Variants in PHKB observed in about 807,000 individuals in gnomAD.
PHKB encodes the protein phosphorylase kinase regulatory subunit beta, also known as phosphorylase b kinase regulatory subunit beta.
Under a neutral mutation model 152.1 loss-of-function variants are expected in PHKB, and 122 were observed. The ratio of observed to expected loss-of-function variants is 0.80; its 90% CI spans 0.69 to 0.93. PHKB has a LOEUF of 0.93. PHKB is among the 40% of genes least tolerant of loss of function. The probability of loss-of-function intolerance (pLI) is 0.00; values close to 1 mark genes in which losing one functional copy is unlikely to be tolerated. For synonymous variants in PHKB, 436 were observed against 464.9 expected, an observed-to-expected ratio of 0.94 and a Z score of 0.80; for missense variants, 1,304 against 1,328.4, an observed-to-expected ratio of 0.98 and a Z score of 0.29.
At chr16:47,483,886 A>G (rs1970007605) in intron 1 of PHKB, among the ~76,000 whole-genome samples, 1 of 152,210 alleles carries the variant, frequency 6.6e-6, no homozygotes, top group South Asian at 2.1e-4. Flanking sequence ...AGCACTCACT[A>G]TGTGCCAGGC....
Position 47,623,756 on chromosome 16 carries a change from C to A in PHKB, c.1458+12836C>A, listed in dbSNP as rs1015479140. On this transcript the variant is annotated intron_variant, in intron 14 of 30. Transcript: ENST00000323584. ...TATTTTTAATAGAGATGGAGTTTCA[C>A]CAGGTTGACCAGGTTGGTCTCGAAC... is the stretch of plus-strand genomic sequence containing the variant. 1.3e-5 allele frequency among the ~76,000 whole-genome samples: 2 copies of A among 151,940 alleles called. 1 individual carries two copies. Among genetic ancestry groups the A allele is most frequent in the Non-Finnish European group, 2.9e-5 (2 of 68,000 alleles).
chr16:47,655,428 G>T (rs371929275), intron 20 of PHKB, among the ~76,000 whole-genome samples: 7 of 152,288 alleles, frequency 4.6e-5, no homozygotes, highest in African/African-American at 1.4e-4. Flanking sequence ...TCTTAGTTTT[G>T]TGATGACTTT....
At chr16:47,486,298 C>T (rs1354455359) in intron 1 of PHKB, among the ~76,000 whole-genome samples, 1 of 152,042 alleles carries the variant, frequency 6.6e-6, no homozygotes, top group African/African-American at 2.4e-5. Flanking sequence ...TCCTATGTGC[C>T]AGCATTAGAG....
chr16:47,515,660 T>G (rs1299251033), intron 6 of PHKB, 59 bp downstream of exon 6: 7 of 786,460 alleles, frequency 8.9e-6, no homozygotes, highest in Non-Finnish European at 1.4e-5. Flanking sequence ...TCTATTTTTT[T>G]TTTTAGTTTT....
rs1567341704 is a variant in PHKB at position 47,650,552 on chromosome 16, G to T, written c.1806G>T (p.Leu602=). 6.3e-7 allele frequency: 1 copy of T among 1,594,236 alleles called. No homozygotes were observed. Residue 602 remains leucine (L), a synonymous_variant, in exon 19 of 31, where the codon CTG becomes CTT. Coordinates refer to ENST00000323584, the MANE Select transcript of PHKB (RefSeq NM_000293.3). ...FLLIDDIKNA[L]QFIKQYWKMH... ...CTCATTCTGTTTGACAGAATGCGCT[G>T]CAGTTCATTAAACAATATTGGAAAA...
chr16:47,531,339 G>T (rs1465828468), intron 6 of PHKB, among the ~76,000 whole-genome samples: 1 of 152,120 alleles, frequency 6.6e-6, no homozygotes, highest in Non-Finnish European at 1.5e-5. Flanking sequence ...TTTAGAGCAA[G>T]GGTGTTCAAA....
chr16:47,659,496 A>G (rs1357015198), intron 20 of PHKB, among the ~76,000 whole-genome samples: 1 of 152,232 alleles, frequency 6.6e-6, no homozygotes, highest in Non-Finnish European at 1.5e-5. Context: ...GATAATTAGA[A>G]GTGACACATA....
At chr16:47,537,920 G>A (rs1276723769) in intron 6 of PHKB, among the ~76,000 whole-genome samples, 1 of 150,490 alleles carries the variant, frequency 6.6e-6, no homozygotes, top group African/African-American at 2.5e-5. Context: ...GTTGAGGCAA[G>A]GTCTCTCTCT....
At chr16:47,540,360 C>G (rs917614452) in intron 6 of PHKB, among the ~76,000 whole-genome samples, 2 of 150,410 alleles carry the variant, frequency 1.3e-5, no homozygotes, top group African/African-American at 2.4e-5. Flanking sequence ...GAACATAGAC[C>G]CTTATCAGTA....
intron 17 of PHKB, 50 bp downstream of exon 17, chr16:47,648,666 T>C (rs777021910): frequency 2.6e-6 from 3 of 1,156,224 alleles, no homozygotes; most frequent in Non-Finnish European, 3.9e-6. Context: ...TAATACCGCA[T>C]ACTGAAATGG....
At chr16:47,638,824 A>T (rs1361080128) in intron 14 of PHKB, among the ~76,000 whole-genome samples, 3 of 152,228 alleles carry the variant, frequency 2.0e-5, no homozygotes, top group Non-Finnish European at 4.4e-5. Context: ...GGTACCACAC[A>T]GGGCTTGAGT....
rs371224839 is a variant in PHKB at position 47,610,159 on chromosome 16, A to ATTTTT, written c.1364-648_1364-644dup. ...AGGCACACACAACCATGCCCAGCTA[A>ATTTTT]TTTTTTTTTTTTTTTTTTTTTTTGT... is the stretch of plus-strand genomic sequence containing the variant. On this transcript the variant is annotated intron_variant, in intron 13 of 30. Coordinates refer to ENST00000323584, the MANE Select transcript of PHKB (RefSeq NM_000293.3). 8.4e-4 allele frequency among the ~76,000 whole-genome samples: 84 copies of ATTTTT among 99,428 alleles called. 2 individuals carry two copies. Among genetic ancestry groups the ATTTTT allele is most frequent in the African/African-American group, 3.2e-3 (77 of 24,436 alleles). 65.2% of individuals were successfully genotyped at this position (99,428 alleles called of 152,430 possible).
At chr16:47,568,504 T>C (rs1971605257) in intron 7 of PHKB, among the ~76,000 whole-genome samples, 1 of 152,174 alleles carries the variant, frequency 6.6e-6, no homozygotes, top group Admixed American at 6.5e-5. Context: ...ATCTTTTGTA[T>C]TGTCTTTTGG....
intron 7 of PHKB, among the ~76,000 whole-genome samples, chr16:47,559,011 A>G (rs1215001326): frequency 6.6e-6 from 1 of 152,160 alleles, no homozygotes; most frequent in Non-Finnish European, 1.5e-5. Context: ...TTCTCTTTAC[A>G]TTTCAAAATA....
At chr16:47,547,070 C>A (rs538065548) in intron 6 of PHKB, among the ~76,000 whole-genome samples, 1 of 152,182 alleles carries the variant, frequency 6.6e-6, no homozygotes, top group Non-Finnish European at 1.5e-5. Flanking sequence ...CTGGGTGAAG[C>A]GATGCCCCAC....
intron 6 of PHKB, among the ~76,000 whole-genome samples, chr16:47,546,150 G>A (rs759956422): frequency 6.6e-6 from 1 of 152,112 alleles, no homozygotes; most frequent in Non-Finnish European, 1.5e-5. Context: ...GAGGAGCTAC[G>A]GTTCTTTGGA....
intron 23 of PHKB, 68 bp downstream of exon 23, chr16:47,661,868 C>A: frequency 1.1e-6 from 1 of 926,408 alleles, no homozygotes; most frequent in Non-Finnish European, 1.8e-6. Context: ...ATCAAATATG[C>A]ATAAGCTATC....
chr16:47,689,354 C>T (rs1010196573), intron 27 of PHKB, among the ~76,000 whole-genome samples, 179 bp downstream of exon 27: 3 of 152,170 alleles, frequency 2.0e-5, no homozygotes, highest in African/African-American at 7.2e-5. Flanking sequence ...TGTCTGTCTT[C>T]AATTATTATT....
intron 4 of PHKB, among the ~76,000 whole-genome samples, chr16:47,506,089 C>T (rs1970413271): frequency 6.7e-6 from 1 of 150,134 alleles, no homozygotes; most frequent in African/African-American, 2.4e-5. Flanking sequence ...CATGATGGCT[C>T]ACGCCTGTAA....
Sources: gnomAD v4.1 joint callset for allele counts (sites outside exome capture counted in the v4.1 genomes callset) on GRCh38, gnomAD v4.1.1 for gene constraint, MANE v1.5 for transcripts, NCBI Gene and HGNC (gene_info 2026-07-23, HGNC 2026-07-21) for gene names.